The following TLCD4 variants were observed in gnomAD, a reference collection of about 807,000 sequenced individuals.
TLCD4 encodes TLC domain-containing protein 4.
Under a neutral mutation model 24.2 loss-of-function variants are expected in TLCD4, and 7 were observed. The observed-to-expected ratio is 0.29, with a 90% CI of 0.16 to 0.54. The LOEUF (loss-of-function observed/expected upper bound fraction) is 0.54, where lower values mean the gene tolerates loss of function less well. Ranked by LOEUF, TLCD4 falls within the 20% of genes least tolerant of loss-of-function variation. The pLI, the probability that TLCD4 is intolerant of heterozygous loss-of-function variation, is 0.95. For missense variants in TLCD4, 259 were observed against 313.9 expected (o/e 0.82, Z 1.32); for synonymous variants, 103 against 106.4 (o/e 0.97, Z 0.20).
At chr1:95,111,318 C>A in the TLCD4 span, among the ~76,000 whole-genome samples, 44,436 of 114,742 alleles carry the variant, frequency 0.39, 8,697 homozygotes, top group East Asian at 0.5. Flanking sequence ...CAAAACAAAA[C>A]AAAAAAAAAG....
chr1:95,182,110 A>G (rs998043174), intron 6 of TLCD4, among the ~76,000 whole-genome samples: 2 of 152,212 alleles, frequency 1.3e-5, no homozygotes, highest in African/African-American at 4.8e-5. Flanking sequence ...GTTGCAGATA[A>G]CAAATTTTCC....
chr1:95,189,013 T>C (rs958530274), intron 6 of TLCD4, among the ~76,000 whole-genome samples: 8 of 152,222 alleles, frequency 5.3e-5, no homozygotes, highest in Non-Finnish European at 1.0e-4. Flanking sequence ...CATTTATAGC[T>C]ATATCAAGCT....
intron 1 of TLCD4, chr1:95,121,183 A>T (rs1223488494): frequency 6.6e-6 from 1 of 152,238 alleles, no homozygotes; most frequent in East Asian, 1.9e-4. Flanking sequence ...GAACTTGGAT[A>T]TGTAAGCACA....
intron 5 of TLCD4, among the ~76,000 whole-genome samples, chr1:95,162,749 C>G (rs1030049954): frequency 6.6e-6 from 1 of 152,110 alleles, no homozygotes; most frequent in African/African-American, 2.4e-5. Context: ...TTTATTTCTC[C>G]TTCACTTATG....
At chr1:95,190,781 T>C (rs1050995944) in intron 6 of TLCD4, among the ~76,000 whole-genome samples, 1 of 152,374 alleles carries the variant, frequency 6.6e-6, no homozygotes, top group African/African-American at 2.4e-5. Context: ...ATATATATTT[T>C]CTGATGAGGT....
chr1:95,121,802 G>T (rs1676579409), intron 1 of TLCD4, among the ~76,000 whole-genome samples: 2 of 152,196 alleles, frequency 1.3e-5, no homozygotes, highest in Admixed American at 1.3e-4. Context: ...TTATAAAAGG[G>T]CTAGCCTGTC....
intron 1 of TLCD4, among the ~76,000 whole-genome samples, chr1:95,130,075 C>T (rs2100913872): frequency 6.6e-6 from 1 of 152,294 alleles, no homozygotes; most frequent in Admixed American, 6.5e-5. Context: ...GCTTTATATA[C>T]ATTCTTTTAG....
At chr1:95,137,130 A>G (rs1328196744) in intron 1 of TLCD4, among the ~76,000 whole-genome samples, 2 of 152,190 alleles carry the variant, frequency 1.3e-5, no homozygotes, top group African/African-American at 2.4e-5. Context: ...GAGGTAGTAA[A>G]CATTGCCAAG....
intron 1 of TLCD4, among the ~76,000 whole-genome samples, chr1:95,135,255 A>G (rs1329260180): frequency 1.3e-5 from 2 of 151,648 alleles, no homozygotes; most frequent in African/African-American, 4.9e-5. Context: ...TCTGCAGACA[A>G]CCCTCCCAGC....
chr1:95,165,998 T>A (rs972378534), intron 5 of TLCD4, among the ~76,000 whole-genome samples: 4 of 152,248 alleles, frequency 2.6e-5, no homozygotes, highest in Non-Finnish European at 5.9e-5. Flanking sequence ...AAACATATAC[T>A]GTCTGTAAAT....
the TLCD4 span, among the ~76,000 whole-genome samples, chr1:95,096,492 CTT>C: frequency 6.6e-6 from 1 of 152,126 alleles, no homozygotes; most frequent in Non-Finnish European, 1.5e-5. Context: ...ACAGTAAGAA[CTT>C]TGGAAAGGCA....
chr1:95,110,146 G>GTATA, the TLCD4 span, among the ~76,000 whole-genome samples: 3 of 150,550 alleles, frequency 2.0e-5, no homozygotes, highest in Non-Finnish European at 4.4e-5. Flanking sequence ...TATTTCACTT[G>GTATA]ATTTATAGGT....
chr1:95,150,096 A>G (rs1677451505), intron 3 of TLCD4, 112 bp from the exon 4 acceptor site: 2 of 1,379,516 alleles, frequency 1.4e-6, no homozygotes, highest in South Asian at 1.4e-5. Context: ...ACAGCTTACC[A>G]TTTGAGAATC....
chr1:95,165,377 A>G (rs1406334921), intron 5 of TLCD4, among the ~76,000 whole-genome samples: 1 of 151,884 alleles, frequency 6.6e-6, no homozygotes, highest in Admixed American at 6.6e-5. Flanking sequence ...ATATCCATAT[A>G]TCTTCTCATT....
the TLCD4 span, among the ~76,000 whole-genome samples, chr1:95,093,860 A>G: frequency 6.6e-6 from 1 of 152,128 alleles, no homozygotes; most frequent in Non-Finnish European, 1.5e-5. Flanking sequence ...TACCTTAACC[A>G]CATATCTCTT....
At chr1:95,092,710 C>G in the TLCD4 span, among the ~76,000 whole-genome samples, 1 of 151,832 alleles carries the variant, frequency 6.6e-6, no homozygotes, top group Admixed American at 6.6e-5. Context: ...ACTCCAGACG[C>G]GCCACCTTAA....
chr1:95,130,117 C>T (rs112938158), intron 1 of TLCD4, among the ~76,000 whole-genome samples: 1 of 152,168 alleles, frequency 6.6e-6, no homozygotes, highest in African/African-American at 2.4e-5. Context: ...ATGGAAAAGT[C>T]GAAAATGAGT....
upstream of TLCD4, among the ~76,000 whole-genome samples, chr1:95,115,860 CTG>C (rs1165614204): frequency 5.3e-5 from 8 of 152,162 alleles, no homozygotes; most frequent in African/African-American, 1.9e-4. Flanking sequence ...TGAGAGGACA[CTG>C]TGAAATTGGT....
At chr1:95,107,275 T>C in the TLCD4 span, among the ~76,000 whole-genome samples, 1 of 151,818 alleles carries the variant, frequency 6.6e-6, no homozygotes, top group African/African-American at 2.4e-5. Flanking sequence ...TACAAAAAAT[T>C]AGCCGGGCGT....
Sources: gnomAD v4.1 joint callset for allele counts (sites outside exome capture counted in the v4.1 genomes callset) on GRCh38, gnomAD v4.1.1 for gene constraint, MANE v1.5 for transcripts, NCBI Gene and HGNC (gene_info 2026-07-23, HGNC 2026-07-21) for gene names.